Variants in MRPL19 observed in about 807,000 individuals in gnomAD.
The protein encoded by MRPL19 is mitochondrial ribosomal protein L19, also known as large ribosomal subunit protein bL19m.
A neutral mutation model predicts 34.0 loss-of-function variants in MRPL19; 31 were observed. That is an observed-to-expected ratio of 0.91 (90% CI 0.68 to 1.23). The LOEUF is 1.23. MRPL19 is among the 50% of genes most tolerant of loss of function. MRPL19 has a pLI of 0.00. For missense variants in MRPL19, 384 were observed against 367.6 expected, an observed-to-expected ratio of 1.04 and a Z score of -0.37; for synonymous variants, 152 against 127.7, an observed-to-expected ratio of 1.19 and a Z score of -1.28.
Position 75,659,100 on chromosome 2 carries a change from A to T in MRPL19, c.*3815A>T, listed in dbSNP as rs1165429780. 1.3e-5 allele frequency among the ~76,000 whole-genome samples: 2 copies of T among 151,442 alleles called. No homozygotes were observed. Among genetic ancestry groups the T allele is most frequent in the Non-Finnish European group, 2.9e-5 (2 of 67,818 alleles). ...TTTTTTGGCCCCTCATTTCCTCTTT[A>T]TGGCCTTCTTTTCTGTTTTTTTGTA... is the stretch of plus-strand genomic sequence containing the variant. On this transcript the variant is annotated 3_prime_UTR_variant, in exon 6 of 6. Transcript: ENST00000393909.
Position 75,657,367 on chromosome 2 carries a change from A to T in MRPL19, c.*2082A>T, listed in dbSNP as rs1212235711. ...TAGAGGCTTCCAATCTCCTTCCTGG[A>T]GGGGTCTGTCCAGGAAGGAGATTGT... is the stretch of plus-strand genomic sequence containing the variant. On this transcript the variant is annotated 3_prime_UTR_variant, in exon 6 of 6. Transcript: ENST00000393909. The T allele has an allele frequency of 6.6e-6, 1 of 151,902 alleles. No homozygotes were observed. The highest frequency in any genetic ancestry group is 6.6e-5 in the Admixed American group (1 of 15,254). The allele number at this position is 151,902 out of a possible 1,614,324, so 9.4% of individuals were successfully genotyped here.
chr2:75,652,174 G>A lies in MRPL19; in HGVS notation c.254G>A (p.Gly85Glu). 6.2e-7 allele frequency: 1 copy of A among 1,600,710 alleles called. No homozygotes were observed. Residue 85 changes from glycine (G) to glutamate (E), a missense_variant, in exon 3 of 6, where the codon GGA becomes GAA. Physicochemically the swap from Gly to Glu is moderately conservative, Grantham distance 98. Transcript: ENST00000393909. ...AGTCCTGAATTCATTCCTCGAAGGG[G>A]AAGAACAGATCCTCTGAAATTTCAA... Reference protein sequence around the residue: ...FLSPEFIPRRGRTDPLKFQIE... With the variant: ...FLSPEFIPRRERTDPLKFQIE...
rs775750718 is a variant in MRPL19 at position 75,652,647 on chromosome 2, C to T, written c.465C>T (p.Ile155=). Residue 155 remains isoleucine (I), a synonymous_variant, in exon 4 of 6, where the codon ATC becomes ATT. Coordinates refer to ENST00000393909, the MANE Select transcript of MRPL19 (RefSeq NM_014763.4). ...CTACTTTCATCCTTAGGAATGTTAT[C>T]GAAGGACAAGGTAAGTTTTATTTCA... ...LGATFILRNV[I]EGQGVEICFE... 4.7e-5 allele frequency: 75 copies of T among 1,611,616 alleles called. No homozygotes were observed. Among genetic ancestry groups the T allele is most frequent in the Non-Finnish European group, 5.7e-5 (67 of 1,179,098 alleles).
In MRPL19 at chr2:75,649,207, A is replaced by G. The variant is rs1049462321; in HGVS notation, c.221+1988A>G. Among the ~76,000 whole-genome samples the G allele has an allele frequency of 2.8e-4, 43 of 152,354 alleles. 5 individuals carry two copies. Among genetic ancestry groups the G allele is most frequent in the Admixed American group, 1.9e-3 (29 of 15,310 alleles). Reference sequence around the variant, plus strand: ...AGTTGGAAAAAAGTCCTAGTCTGAGAGACTAATGACCAAATATGTGTGAAG... The same window carrying G: ...AGTTGGAAAAAAGTCCTAGTCTGAGGGACTAATGACCAAATATGTGTGAAG... On this transcript the variant is annotated intron_variant, in intron 2 of 5. Transcript: ENST00000393909.
rs958183149 is a variant in MRPL19, at chr2:75,659,235, A to C, written c.*3950A>C. 3.3e-5 allele frequency among the ~76,000 whole-genome samples: 5 copies of C among 152,094 alleles called. No individual in the cohort carries two copies. Among genetic ancestry groups the C allele is most frequent in the African/African-American group, 1.2e-4 (5 of 41,424 alleles). On this transcript the variant is annotated 3_prime_UTR_variant, in exon 6 of 6. Coordinates refer to ENST00000393909, the MANE Select transcript of MRPL19 (RefSeq NM_014763.4). ...AACATCCTACACTTAAAACAATCTA[A>C]TTTAAACTGATACCAATTTACCTTC...
intron 2 of MRPL19, among the ~76,000 whole-genome samples, chr2:75,648,597 C>T (rs7421131): frequency 0.55 from 83,041 of 151,774 alleles, 23,177 homozygotes; most frequent in East Asian, 0.69. Context: ...CGGTGGCTCA[C>T]GACTGTTATC....
In MRPL19 at chr2:75,655,198, G is replaced by T; in HGVS notation, c.792G>T (p.Trp264Cys). 6.2e-7 allele frequency: 1 copy of T among 1,613,580 alleles called. No individual in the cohort carries two copies. Among genetic ancestry groups the T allele is most frequent in the Non-Finnish European group, 8.5e-7 (1 of 1,179,754 alleles). The change falls in exon 6 of 6, where the codon TGG (tryptophan) becomes TGT (cysteine). Residue 264 changes from tryptophan to cysteine, a missense_variant. Transcript: ENST00000393909. Reference sequence around the variant, plus strand: ...AAGCTCAGAAGTGGAATCAGCCATGGCTTGAATTTGATATGATGAGGGAAT... The same window carrying T: ...AAGCTCAGAAGTGGAATCAGCCATGTCTTGAATTTGATATGATGAGGGAAT... ...MKEAQKWNQP[W>C]LEFDMMREYD...
intron 2 of MRPL19, 64 bp from the exon 3 acceptor site, chr2:75,652,078 C>T: frequency 5.4e-6 from 5 of 919,182 alleles, no homozygotes; most frequent in Non-Finnish European, 8.1e-6. Context: ...CTTTGAAAAG[C>T]AACAATTTTT....
chr2:75,651,213 C>A (rs185884559), intron 2 of MRPL19: 2 of 409,818 alleles, frequency 4.9e-6, no homozygotes, highest in Non-Finnish European at 9.6e-6. Flanking sequence ...ATCTGTTAAT[C>A]CACCAACCCA....
In MRPL19 at chr2:75,655,086, A is replaced by G. The variant is rs186329774; in HGVS notation, c.680A>G (p.Lys227Arg). 1 of 1,598,928 alleles carries G rather than the reference A, an allele frequency of 6.3e-7. No homozygotes were observed. Among genetic ancestry groups the G allele is most frequent in the East Asian group, 2.2e-5 (1 of 44,650 alleles). ...VNELKVKMKP[K>R]PWSKRWERPN... Reference sequence around the variant, plus strand: ...TAGCTGAAAGTAAAAATGAAGCCTAAGCCCTGGTCTAAACGCTGGGAACGT... The same window carrying G: ...TAGCTGAAAGTAAAAATGAAGCCTAGGCCCTGGTCTAAACGCTGGGAACGT... The change falls in exon 6 of 6, where the codon AAG becomes AGG. Residue 227 changes from lysine (K) to arginine (R), a missense_variant. Lys to Arg is a conservative substitution (Grantham distance 26). Coordinates refer to ENST00000393909, the MANE Select transcript of MRPL19 (RefSeq NM_014763.4).
At chr2:75,651,647 C>G in intron 2 of MRPL19, 1 of 339,952 alleles carries the variant, frequency 2.9e-6, no homozygotes, top group Non-Finnish European at 5.7e-6. Flanking sequence ...TCAGGAAGAT[C>G]ATTTTAAAAG....
At chr2:75,648,277 G>A (rs1264409749) in intron 2 of MRPL19, among the ~76,000 whole-genome samples, 1 of 152,090 alleles carries the variant, frequency 6.6e-6, no homozygotes, top group Non-Finnish European at 1.5e-5. Flanking sequence ...AGTTTAAGTT[G>A]TGTATACCTT....
At chr2:75,647,020 G>C (rs1388971789) in intron 1 of MRPL19, 82 bp from the exon 2 acceptor site, 3 of 1,482,434 alleles carry the variant, frequency 2.0e-6, no homozygotes, top group East Asian at 5.0e-5. Context: ...CCCGTGGGAC[G>C]CCGGGTTGGG....
intron 2 of MRPL19, chr2:75,651,862 C>T (rs1678338837): frequency 4.0e-6 from 1 of 248,510 alleles, no homozygotes; most frequent in Non-Finnish European, 7.8e-6. Context: ...CAGTTTCTTG[C>T]TCTGTAAAAA....
chr2:75,654,050 A>G (rs544946343), intron 4 of MRPL19, among the ~76,000 whole-genome samples: 1 of 152,312 alleles, frequency 6.6e-6, no homozygotes, highest in South Asian at 2.1e-4. Flanking sequence ...TTGTAACAAA[A>G]TGCTACAGGC....
chr2:75,654,713 AAT>A (rs774163909), intron 4 of MRPL19, 21 bp from the exon 5 acceptor site: 1 of 1,609,028 alleles, frequency 6.2e-7, no homozygotes, highest in African/African-American at 1.3e-5. Flanking sequence ...AGATTGTAAG[AAT>A]ATGTTTTCTG....
chr2:75,647,908 G>C (rs1244042127), intron 2 of MRPL19, among the ~76,000 whole-genome samples: 6 of 151,710 alleles, frequency 4.0e-5, no homozygotes, highest in African/African-American at 9.7e-5. Flanking sequence ...ATTTTTTTTA[G>C]ACAGAGTCTC....
At chr2:75,649,208 G>T (rs1311816242) in intron 2 of MRPL19, among the ~76,000 whole-genome samples, 1 of 152,200 alleles carries the variant, frequency 6.6e-6, no homozygotes, top group East Asian at 1.9e-4. Context: ...TAGTCTGAGA[G>T]ACTAATGACC....
rs1267653415 is a variant in MRPL19, at chr2:75,661,218, C to T, written c.*5933C>T. Reference sequence around the variant, plus strand: ...CAGAAATGTCACAAAGCTTTCTTGCCATTTTAAAGTTGCCTGTTCTTGACT... The same window carrying T: ...CAGAAATGTCACAAAGCTTTCTTGCTATTTTAAAGTTGCCTGTTCTTGACT... On this transcript the variant is annotated 3_prime_UTR_variant, in exon 6 of 6. Transcript: ENST00000393909. 6.6e-6 allele frequency: 1 copy of T among 152,162 alleles called. No individual in the cohort carries two copies. The highest frequency in any genetic ancestry group is 1.5e-5 in the Non-Finnish European group (1 of 68,034). 9.4% of individuals were successfully genotyped at this position (152,162 alleles called of 1,614,324 possible).
Sources: allele counts gnomAD v4.1 joint callset (sites outside exome capture counted in the v4.1 genomes callset), GRCh38; gene constraint gnomAD v4.1.1; transcripts MANE v1.5; gene names NCBI Gene and HGNC (gene_info 2026-07-23, HGNC 2026-07-21).